Variants in EML4 observed in about 807,000 individuals in gnomAD.
EML4 encodes EMAP like 4.
In EML4, 72 loss-of-function variants were observed where a neutral mutation model predicts 129.0. The ratio of observed to expected loss-of-function variants is 0.56; its 90% CI spans 0.46 to 0.68. The LOEUF (loss-of-function observed/expected upper bound fraction) is 0.68, where lower values mean the gene tolerates loss of function less well. Ranked by LOEUF, EML4 falls within the 30% of genes least tolerant of loss-of-function variation. The pLI is 0.00. For missense variants in EML4, 1,363 were observed against 1,190.6 expected, an observed-to-expected ratio of 1.14 and a Z score of -2.13; for synonymous variants, 532 against 405.0, an observed-to-expected ratio of 1.31 and a Z score of -3.77.
intron 6 of EML4, among the ~76,000 whole-genome samples, chr2:42,268,644 C>T (rs1666201551): frequency 6.6e-6 from 1 of 152,016 alleles, no homozygotes; most frequent in African/African-American, 2.4e-5. Context: ...CACTGTGTTT[C>T]CCAGGCGTGT....
Position 42,329,906 on chromosome 2 carries a change from C to T in EML4, c.2645C>T (p.Thr882Ile). Residue 882 changes from threonine (T) to isoleucine (I), a missense_variant, in exon 23 of 23, where the codon ACC (threonine) becomes ATC (isoleucine). Transcript: ENST00000318522. ...QNETVADTTL[T>I]KAPVSSTESV... ...GAGACTGTAGCGGATACTACTCTAACCAAAGCCCCCGTCTCTTCCACTGAA... is the reference window on the plus strand; with the variant it reads ...GAGACTGTAGCGGATACTACTCTAATCAAAGCCCCCGTCTCTTCCACTGAA... 1 of 1,614,040 alleles carries T rather than the reference C, an allele frequency of 6.2e-7. No individual in the cohort carries two copies. The highest frequency in any genetic ancestry group is 1.1e-5 in the South Asian group (1 of 91,068).
At chr2:42,188,356 GA>G (rs1350017409) in intron 1 of EML4, among the ~76,000 whole-genome samples, 3 of 152,082 alleles carry the variant, frequency 2.0e-5, no homozygotes, top group Non-Finnish European at 4.4e-5. Flanking sequence ...GAGTAGCTGG[GA>G]CTACAGGTGC....
rs1667863315 is a variant in EML4 at position 42,294,992 on chromosome 2, A to G, written c.1219-133A>G. On this transcript the variant is annotated intron_variant, in intron 11 of 22. Coordinates refer to ENST00000318522, the MANE Select transcript of EML4 (RefSeq NM_019063.5). ...AAATACATTATCAAAATTTTTCAGG[A>G]AAATTGTCTTAGAAGAAGAGGCATT... 4 of 769,810 alleles carry G rather than the reference A, an allele frequency of 5.2e-6. No homozygotes were observed. In the South Asian group the frequency reaches 1.1e-4, roughly 20 times the overall value. The allele number at this position is 769,810 out of a possible 1,614,324, so 47.7% of individuals were successfully genotyped here.
chr2:42,245,744 G>T, intron 2 of EML4, 57 bp downstream of exon 2: 1 of 1,455,168 alleles, frequency 6.9e-7, no homozygotes, highest in Non-Finnish European at 9.2e-7. Context: ...TTCTTTGAAA[G>T]TTGAAGCTGG....
rs1263527686 is a variant in EML4 at position 42,200,161 on chromosome 2, A to AC, written c.25+30525_25+30526insC. Among the ~76,000 whole-genome samples the AC allele has an allele frequency of 2.9e-5, 4 of 139,678 alleles. No homozygotes were observed. The East Asian group carries it at 7.8e-4, about 27-fold the overall frequency. The allele number at this position is 139,678 out of a possible 152,430, so 91.6% of individuals were successfully genotyped here. ...CATCTCTACTAAAAATACAAAAAAA[A>AC]AAAAAAAAAAAAAATTAGCTGGACA... On this transcript the variant is annotated intron_variant, in intron 1 of 22. Transcript: ENST00000318522.
intron 1 of EML4, among the ~76,000 whole-genome samples, chr2:42,222,919 C>G (rs1673706307): frequency 6.6e-6 from 1 of 152,108 alleles, no homozygotes; most frequent in Non-Finnish European, 1.5e-5. Context: ...CTGCCTCAGC[C>G]TCCCAAGTAG....
At position 42,284,629 on chromosome 2, in the gene EML4, T is replaced by G; in HGVS notation, c.942-5T>G. The G allele has an allele frequency of 6.2e-7, 1 of 1,609,152 alleles. No homozygotes were observed. Among genetic ancestry groups the G allele is most frequent in the Non-Finnish European group, 8.5e-7 (1 of 1,176,908 alleles). On this transcript the variant is annotated splice_polypyrimidine_tract_variant and splice_region_variant and intron_variant, in intron 8 of 22. Coordinates refer to ENST00000318522, the MANE Select transcript of EML4 (RefSeq NM_019063.5). ...TTTAAAATCATTCTTAATACTGCTT[T>G]TTAGCCTTGCTATACATCCTGACAA...
At chr2:42,293,665 G>T (rs190583147) in intron 11 of EML4, among the ~76,000 whole-genome samples, 1 of 152,104 alleles carries the variant, frequency 6.6e-6, no homozygotes, top group African/African-American at 2.4e-5. Context: ...AGGCTGGAGC[G>T]CAGTGGTGCA....
chr2:42,193,717 G>A (rs1035608406), intron 1 of EML4, among the ~76,000 whole-genome samples: 1 of 150,566 alleles, frequency 6.6e-6, no homozygotes, highest in Non-Finnish European at 1.5e-5. Context: ...GTGGGGTCTT[G>A]GTATGTCACC....
In EML4 at chr2:42,307,559, A is replaced by G. The variant is rs141258210; in HGVS notation, c.1967+3008A>G. Among the ~76,000 whole-genome samples the G allele has an allele frequency of 9.6e-4, 147 of 152,348 alleles. 1 individual carries two copies. Among genetic ancestry groups the G allele is most frequent in the African/African-American group, 3.4e-3 (140 of 41,584 alleles). On this transcript the variant is annotated intron_variant, in intron 17 of 22. Transcript: ENST00000318522. ...CTATGAATACCTGAATGTATTGTCTAAAATGGAAAAATCTTAATGTAGCCA... is the reference window on the plus strand; with the variant it reads ...CTATGAATACCTGAATGTATTGTCTGAAATGGAAAAATCTTAATGTAGCCA...
In EML4 at chr2:42,291,398, C is replaced by CTT. The variant is rs5830720; in HGVS notation, c.1218+3097_1218+3098dup. 2.5e-3 allele frequency among the ~76,000 whole-genome samples: 309 copies of CTT among 123,106 alleles called. 6 individuals carry two copies. The highest frequency in any genetic ancestry group is 8.7e-3 in the Middle Eastern group (2 of 230). 80.8% of individuals were successfully genotyped at this position (123,106 alleles called of 152,430 possible). A position where few individuals can be genotyped will look rare whatever the true frequency, so the allele number is the denominator to read the frequency against. ...TAAAAACTTCTCTTTATCAAGACAC[C>CTT]TTTTTTTTTTTTTTTTTTTTTTGAG... is the stretch of plus-strand genomic sequence containing the variant. On this transcript the variant is annotated intron_variant, in intron 11 of 22. Transcript: ENST00000318522.
chr2:42,228,344 G>A (rs532028251), intron 1 of EML4, among the ~76,000 whole-genome samples: 17 of 152,272 alleles, frequency 1.1e-4, no homozygotes, highest in Non-Finnish European at 2.1e-4. Flanking sequence ...CTCAAGGATC[G>A]ACATAGTTTT....
At chr2:42,240,007 G>C (rs568194295) in intron 1 of EML4, among the ~76,000 whole-genome samples, 1 of 152,306 alleles carries the variant, frequency 6.6e-6, no homozygotes, top group South Asian at 2.1e-4. Context: ...TGACTCGTTT[G>C]CTGTGTGGCC....
chr2:42,266,312 G>C (rs1666062781), intron 6 of EML4, among the ~76,000 whole-genome samples: 1 of 152,164 alleles, frequency 6.6e-6, no homozygotes, highest in Admixed American at 6.5e-5. Flanking sequence ...AGGGAAAAAT[G>C]AAATTTTATT....
intron 17 of EML4, among the ~76,000 whole-genome samples, chr2:42,314,314 G>A (rs1387473366): frequency 4.6e-5 from 7 of 151,998 alleles, no homozygotes; most frequent in East Asian, 1.9e-4. Flanking sequence ...AGTCAAGATC[G>A]TGCCACTGCA....
intron 1 of EML4, among the ~76,000 whole-genome samples, chr2:42,194,687 T>A (rs1353393699): frequency 1.3e-5 from 2 of 151,982 alleles, no homozygotes; most frequent in Non-Finnish European, 2.9e-5. Flanking sequence ...ATTTTTGTAT[T>A]TTTTGTAGAG....
intron 1 of EML4, among the ~76,000 whole-genome samples, chr2:42,227,170 C>T (rs560882729): frequency 1.3e-5 from 2 of 152,194 alleles, no homozygotes; most frequent in African/African-American, 2.4e-5. Flanking sequence ...AGTGCAGTGG[C>T]ACAGTTGTGG....
intron 1 of EML4, among the ~76,000 whole-genome samples, chr2:42,215,639 TATCTG>T (rs1296865290): frequency 6.6e-6 from 1 of 152,310 alleles, no homozygotes; most frequent in Admixed American, 6.5e-5. Context: ...ACCATATATC[TATCTG>T]TTATCAACCT....
At chr2:42,255,079 GT>G (rs371184755) in intron 2 of EML4, among the ~76,000 whole-genome samples, 4 of 147,748 alleles carry the variant, frequency 2.7e-5, no homozygotes, top group African/African-American at 9.9e-5. Context: ...CGCGGTTTTT[GT>G]TTTTTTTTTC....
Sources: allele counts gnomAD v4.1 joint callset (sites outside exome capture counted in the v4.1 genomes callset), GRCh38; gene constraint gnomAD v4.1.1; transcripts MANE v1.5; gene names NCBI Gene and HGNC (gene_info 2026-07-23, HGNC 2026-07-21).